The following HEMK2 variants were observed in gnomAD, a reference collection of about 807,000 sequenced individuals.
The protein encoded by HEMK2 is methyltransferase HEMK2.
chr21:28,698,435 C>T, the HEMK2 span, among the ~76,000 whole-genome samples: 84,578 of 151,996 alleles, frequency 0.56, 26,199 homozygotes, highest in East Asian at 0.84. Context: ...TGCTTACTGA[C>T]ATTATAATTG....
chr21:28,728,367 G>A, the HEMK2 span, among the ~76,000 whole-genome samples: 2 of 152,206 alleles, frequency 1.3e-5, no homozygotes, highest in Admixed American at 6.5e-5. Flanking sequence ...GAAATTGACA[G>A]GGCTGAGCAG....
chr21:28,707,159 C>T, the HEMK2 span, among the ~76,000 whole-genome samples: 20 of 151,814 alleles, frequency 1.3e-4, no homozygotes, highest in Admixed American at 1.1e-3. Flanking sequence ...AGTTTTAAAA[C>T]GACAATAAAC....
chr21:28,769,945 A>C, the HEMK2 span, among the ~76,000 whole-genome samples: 1 of 152,150 alleles, frequency 6.6e-6, no homozygotes, highest in Non-Finnish European at 1.5e-5. Flanking sequence ...CTTTGGGCTA[A>C]TGAATTACAT....
At chr21:28,806,236 C>T in the HEMK2 span, among the ~76,000 whole-genome samples, 186 of 152,268 alleles carry the variant, frequency 1.2e-3, 1 homozygote, top group African/African-American at 4.4e-3. Context: ...GTTGTCACGA[C>T]AGATAATTAT....
the HEMK2 span, among the ~76,000 whole-genome samples, chr21:28,592,126 A>G: frequency 1.3e-5 from 2 of 152,280 alleles, no homozygotes; most frequent in Non-Finnish European, 2.9e-5. Context: ...GAATCGCCAC[A>G]CTGTTTTCCA....
At chr21:28,874,126 G>A in the HEMK2 span, 1 of 152,208 alleles carries the variant, frequency 6.6e-6, no homozygotes, top group African/African-American at 2.4e-5. Flanking sequence ...ACTGCTCTAT[G>A]TAGCCAGTTG....
chr21:28,741,281 G>T, the HEMK2 span, among the ~76,000 whole-genome samples: 1 of 152,128 alleles, frequency 6.6e-6, no homozygotes, highest in African/African-American at 2.4e-5. Context: ...GATGACACAA[G>T]ATCATGCTTG....
the HEMK2 span, among the ~76,000 whole-genome samples, chr21:28,611,358 G>A: frequency 1.3e-5 from 2 of 152,130 alleles, no homozygotes; most frequent in African/African-American, 4.8e-5. Flanking sequence ...CTGAATGATA[G>A]TAGTGACATA....
At chr21:28,880,757 A>G in the HEMK2 span, among the ~76,000 whole-genome samples, 1 of 150,436 alleles carries the variant, frequency 6.6e-6, no homozygotes, top group Non-Finnish European at 1.5e-5. Flanking sequence ...AAAAAAAGAA[A>G]GAAAGAAATT....
chr21:28,671,717 TC>T, the HEMK2 span, among the ~76,000 whole-genome samples: 2 of 152,146 alleles, frequency 1.3e-5, no homozygotes, highest in Non-Finnish European at 2.9e-5. Flanking sequence ...ATATCATCAT[TC>T]CATAAATCTC....
chr21:28,611,413 T>C, the HEMK2 span, among the ~76,000 whole-genome samples: 1 of 152,136 alleles, frequency 6.6e-6, no homozygotes, highest in South Asian at 2.1e-4. Context: ...TTACAACTGA[T>C]ACCACAGAAA....
At chr21:28,643,543 G>C in the HEMK2 span, among the ~76,000 whole-genome samples, 7 of 152,126 alleles carry the variant, frequency 4.6e-5, no homozygotes, top group Admixed American at 2.0e-4. Flanking sequence ...ATCCAGGCAA[G>C]GTCATGCACA....
chr21:28,848,681 C>T, the HEMK2 span, among the ~76,000 whole-genome samples: 39,497 of 152,068 alleles, frequency 0.26, 5,901 homozygotes, highest in African/African-American at 0.4. Context: ...ATTGATAAAA[C>T]TATAGTTTTC....
chr21:28,688,181 A>G, the HEMK2 span, among the ~76,000 whole-genome samples: 2 of 152,230 alleles, frequency 1.3e-5, no homozygotes, highest in African/African-American at 4.8e-5. Context: ...ACTGCATAAC[A>G]CAACTTGAAG....
At chr21:28,650,374 G>T in the HEMK2 span, among the ~76,000 whole-genome samples, 1 of 151,566 alleles carries the variant, frequency 6.6e-6, no homozygotes. Context: ...CAGCCTGGGC[G>T]ACAGGGTAAG....
At chr21:28,578,877 C>T in the HEMK2 span, among the ~76,000 whole-genome samples, 2 of 152,102 alleles carry the variant, frequency 1.3e-5, no homozygotes, top group Admixed American at 6.6e-5. Flanking sequence ...GTATGTGCAA[C>T]GGCTCACACT....
the HEMK2 span, among the ~76,000 whole-genome samples, chr21:28,576,107 A>G: frequency 2.0e-5 from 3 of 152,222 alleles, no homozygotes; most frequent in African/African-American, 7.2e-5. Context: ...ATAAGTACGT[A>G]GGAAAAGAAT....
At chr21:28,787,783 T>C in the HEMK2 span, among the ~76,000 whole-genome samples, 2 of 152,136 alleles carry the variant, frequency 1.3e-5, no homozygotes, top group South Asian at 2.1e-4. Flanking sequence ...GTACAGCCAC[T>C]AGAGAAAACA....
At chr21:28,586,857 T>C in the HEMK2 span, among the ~76,000 whole-genome samples, 198 of 152,272 alleles carry the variant, frequency 1.3e-3, no homozygotes, top group Middle Eastern at 3.4e-3. Context: ...GGGCCTCTTT[T>C]ATAAGGGCAT....
Sources: gnomAD v4.1 joint callset for allele counts (sites outside exome capture counted in the v4.1 genomes callset) on GRCh38, gnomAD v4.1.1 for gene constraint, MANE v1.5 for transcripts, NCBI Gene and HGNC (gene_info 2026-07-23, HGNC 2026-07-21) for gene names.